AASDH: variants seen among roughly 807,000 people sequenced by gnomAD.
AASDH encodes the protein aminoadipate-semialdehyde dehydrogenase.
In AASDH, 81 loss-of-function variants were observed where a neutral mutation model predicts 102.3. The ratio of observed to expected loss-of-function variants is 0.79; its 90% CI spans 0.66 to 0.95. AASDH has a LOEUF of 0.95. Among genes scored for constraint, AASDH ranks in the 40% least tolerant of loss-of-function variants. AASDH has a pLI of 0.00. For synonymous variants in AASDH, 398 were observed against 454.0 expected (o/e 0.88, Z 1.57); for missense variants, 1,203 against 1,266.2 (o/e 0.95, Z 0.76).
chr4:56,349,043 C>T (rs190646830), intron 11 of AASDH: 6 of 545,010 alleles, frequency 1.1e-5, no homozygotes, highest in East Asian at 3.0e-5. Context: ...CAGTAACTTG[C>T]CAAAGGTCAC....
intron 1 of AASDH, among the ~76,000 whole-genome samples, chr4:56,387,027 C>T (rs1381852360): frequency 2.6e-5 from 4 of 152,118 alleles, no homozygotes; most frequent in Non-Finnish European, 5.9e-5. Context: ...AATTCCCCGG[C>T]TTCTAAATTT....
chr4:56,382,187 G>C (rs1578082812), intron 3 of AASDH: 1 of 298,014 alleles, frequency 3.4e-6, no homozygotes, highest in African/African-American at 2.3e-5. Context: ...AGTGTGAGGG[G>C]TGGAGAGCCC....
Position 56,338,522 on chromosome 4 carries a change from A to G in AASDH, c.3177T>C (p.Ser1059=). Reference sequence around the variant, plus strand: ...AGACTTCTCCAGGAAGTTCATAAACACTTTGCAATTGTCCACTCTGAGATT... The same window carrying G: ...AGACTTCTCCAGGAAGTTCATAAACGCTTTGCAATTGTCCACTCTGAGATT... ...ILESQSGQLQ[S]VYELPGEVFS... is the part of the protein sequence containing the mutation. Residue 1059 remains serine, a synonymous_variant, in exon 15 of 15, where the codon AGT becomes AGC. Transcript: ENST00000205214. 1 of 1,613,920 alleles carries G rather than the reference A, an allele frequency of 6.2e-7. No individual in the cohort carries two copies. The highest frequency in any genetic ancestry group is 8.5e-7 in the Non-Finnish European group (1 of 1,179,982).
chr4:56,355,042 T>C, intron 6 of AASDH, 140 bp downstream of exon 6: 1 of 1,129,398 alleles, frequency 8.9e-7, no homozygotes, highest in Non-Finnish European at 1.2e-6. Context: ...TAAGGAAGGT[T>C]CTGGATTCCC....
intron 1 of AASDH, among the ~76,000 whole-genome samples, 166 bp from the exon 2 acceptor site, chr4:56,384,507 A>C (rs1753327001): frequency 6.6e-6 from 1 of 152,230 alleles, no homozygotes. Context: ...ACTGAGGACA[A>C]TGAGGTTGAA....
intron 4 of AASDH, among the ~76,000 whole-genome samples, chr4:56,376,001 A>T (rs1255826122): frequency 6.9e-6 from 1 of 145,910 alleles, no homozygotes; most frequent in Non-Finnish European, 1.5e-5. Flanking sequence ...CCCCACCCTC[A>T]GCCTCTAAAC....
At position 56,382,475 on chromosome 4, in the gene AASDH, AC is replaced by A; in HGVS notation, c.351+1del. 1 of 1,553,122 alleles carries A rather than the reference AC, an allele frequency of 6.4e-7. No homozygotes were observed. Among genetic ancestry groups the A allele is most frequent in the Non-Finnish European group, 8.8e-7 (1 of 1,131,802 alleles). On this transcript the variant is annotated splice_donor_variant, in intron 3 of 14. Transcript: ENST00000205214. LOFTEE classifies it high-confidence loss of function. ...AAAAACAATTGAAACATCCAGACTT[AC>A]ATTAATTTGTTTTTTTTCAACAAGG...
chr4:56,354,835 G>C (rs770280623), intron 6 of AASDH, 24 bp from the exon 7 acceptor site: 2 of 1,533,620 alleles, frequency 1.3e-6, no homozygotes, highest in Non-Finnish European at 1.8e-6. Context: ...ATACAGAGCA[G>C]ATTTAAAATT....
Position 56,349,608 on chromosome 4 carries a change from T to C in AASDH, c.2143A>G (p.Asn715Asp). The stretch of plus-strand genomic sequence containing the variant: ...TTTAAGCCTTTCAAATTTTGAATGT[T>C]GGTCTGTGAAACTGAGTCAGAAGGA... The part of the protein sequence containing the change: ...ACPSDSVSQT[N>D]IQNLKGLNSP... Residue 715 changes from asparagine to aspartate, a missense_variant, in exon 11 of 15, where the codon AAC (asparagine) becomes GAC (aspartate). Asn to Asp is a conservative substitution (Grantham distance 23). Transcript: ENST00000205214. The C allele has an allele frequency of 1.2e-6, 2 of 1,614,234 alleles. No individual in the cohort carries two copies. The highest frequency in any genetic ancestry group is 1.1e-5 in the South Asian group (1 of 91,084).
chr4:56,375,167 G>A (rs1752200311), intron 4 of AASDH, among the ~76,000 whole-genome samples: 1 of 151,832 alleles, frequency 6.6e-6, no homozygotes, highest in African/African-American at 2.4e-5. Context: ...ACAGTTCACT[G>A]CAGCCTCAAA....
At chr4:56,339,425 G>C (rs1226081187) in intron 14 of AASDH, among the ~76,000 whole-genome samples, 1 of 152,126 alleles carries the variant, frequency 6.6e-6, no homozygotes, top group African/African-American at 2.4e-5. Flanking sequence ...GATTACAGGT[G>C]TGAGCCACCA....
chr4:56,361,167 T>C (rs1490614981), intron 5 of AASDH, among the ~76,000 whole-genome samples: 3 of 152,124 alleles, frequency 2.0e-5, no homozygotes, highest in African/African-American at 7.2e-5. Flanking sequence ...ATCCCAACAC[T>C]TTGGAAAGCC....
rs529719101 is a variant in AASDH, at chr4:56,387,074, C to T, written c.-43+288G>A. ...CGAGTAACAATGCAATTTACAGCTT[C>T]CTAAACATTTCTTCATTGCTCTTCG... On this transcript the variant is annotated intron_variant, in intron 1 of 14. Transcript: ENST00000205214. Among the ~76,000 whole-genome samples the T allele has an allele frequency of 3.3e-5, 5 of 152,266 alleles. No individual in the cohort carries two copies. In the South Asian group the frequency reaches 1.0e-3, roughly 32 times the overall value.
intron 5 of AASDH, among the ~76,000 whole-genome samples, chr4:56,369,200 A>T (rs1560602133): frequency 6.6e-6 from 1 of 152,222 alleles, no homozygotes; most frequent in African/African-American, 2.4e-5. Flanking sequence ...TGCTAAAGTA[A>T]ATTTATCTGA....
intron 5 of AASDH, among the ~76,000 whole-genome samples, 170 bp from the exon 6 acceptor site, chr4:56,355,593 GTTTTTTTTTTTT>G (rs149149581): frequency 2.2e-5 from 2 of 91,916 alleles, no homozygotes; most frequent in Non-Finnish European, 4.1e-5. Flanking sequence ...TTATCTTCTT[GTTTTTTTTTTTT>G]TTTTTTTTTT....
At position 56,353,606 on chromosome 4, in the gene AASDH, A is replaced by C; in HGVS notation, c.1384-10T>G. On this transcript the variant is annotated splice_polypyrimidine_tract_variant and intron_variant, in intron 8 of 14. Coordinates refer to ENST00000205214, the MANE Select transcript of AASDH (RefSeq NM_181806.4). ...GAAGCTCTTCAGCAACCTATAAGAG[A>C]GATTATCCTAATTTGCCAATGAGGA... 6.4e-7 allele frequency: 1 copy of C among 1,565,352 alleles called. No individual in the cohort carries two copies. The highest frequency in any genetic ancestry group is 1.2e-5 in the South Asian group (1 of 80,950).
At chr4:56,345,492 C>T (rs1305975275) in intron 11 of AASDH, among the ~76,000 whole-genome samples, 1 of 152,162 alleles carries the variant, frequency 6.6e-6, no homozygotes, top group African/African-American at 2.4e-5. Flanking sequence ...GTAGGTGTAT[C>T]TTATCTTTTA....
At chr4:56,379,863 G>A (rs531053767) in intron 3 of AASDH, among the ~76,000 whole-genome samples, 16 of 152,250 alleles carry the variant, frequency 1.1e-4, no homozygotes, top group African/African-American at 3.9e-4. Flanking sequence ...GGTAAAGAAC[G>A]GGGTGGGGGA....
chr4:56,373,181 A>T (rs1578048405), intron 4 of AASDH, among the ~76,000 whole-genome samples: 1 of 152,128 alleles, frequency 6.6e-6, no homozygotes, highest in Non-Finnish European at 1.5e-5. Flanking sequence ...GCTCTGTCAC[A>T]CAAGGTGGAG....
Sources: gnomAD v4.1 joint callset for allele counts (sites outside exome capture counted in the v4.1 genomes callset) on GRCh38, gnomAD v4.1.1 for gene constraint, MANE v1.5 for transcripts, NCBI Gene and HGNC (gene_info 2026-07-23, HGNC 2026-07-21) for gene names.